The following HMGB1 variants were observed in gnomAD, a reference collection of about 807,000 sequenced individuals.
HMGB1 encodes the protein high mobility group protein B1.
For synonymous variants in HMGB1, 81 were observed against 84.0 expected (o/e 0.96, Z 0.19); for missense variants, 79 against 253.5 (o/e 0.31, Z 4.67).
In HMGB1 at chr13:30,517,023, T is replaced by C. The variant is rs550204849; in HGVS notation, c.-14-53329A>G. ...GTATATAAAACATGAAAATAAGTAT[T>C]TCGAATGTGAAGAAATTGAATTTGA... On this transcript the variant is annotated intron_variant, in intron 1 of 4. Coordinates refer to the HMGB1 transcript ENST00000405805. Among the ~76,000 whole-genome samples, 81 of 152,288 alleles carry C rather than the reference T, an allele frequency of 5.3e-4. No individual in the cohort carries two copies. In the South Asian group the frequency reaches 0.016, roughly 30 times the overall value.
chr13:30,473,354 C>T lies in HMGB1; in HGVS notation c.-14-9660G>A, dbSNP rs7323681. On this transcript the variant is annotated intron_variant, in intron 1 of 4. Coordinates refer to the HMGB1 transcript ENST00000405805. Reference sequence around the variant, plus strand: ...TGGTTAGTAAGGGGAAAATATCAGACCTTTCCTTAAGAGGCCTGTCCTCTG... The same window carrying T: ...TGGTTAGTAAGGGGAAAATATCAGATCTTTCCTTAAGAGGCCTGTCCTCTG... 7.2e-3 allele frequency among the ~76,000 whole-genome samples: 1,101 copies of T among 152,250 alleles called. 12 individuals carry two copies. The highest frequency in any genetic ancestry group is 0.026 in the African/African-American group (1,066 of 41,532).
rs534779135 is a variant in HMGB1 at position 30,486,327 on chromosome 13, T to TCC, written c.-14-22635_-14-22634dup. ...CACTGGCTGGTTCACTTTGCTGCAT[T>TCC]CCCTTAAAGGTTGGATGTTCAAGTC... On this transcript the variant is annotated intron_variant, in intron 1 of 4. Coordinates refer to the HMGB1 transcript ENST00000405805. Among the ~76,000 whole-genome samples, 146 of 152,334 alleles carry TCC rather than the reference T, an allele frequency of 9.6e-4. 1 individual carries two copies. Among genetic ancestry groups the TCC allele is most frequent in the African/African-American group, 3.4e-3 (141 of 41,582 alleles).
intron 1 of HMGB1, among the ~76,000 whole-genome samples, chr13:30,607,316 C>T (rs1235414321): frequency 6.6e-6 from 1 of 152,184 alleles, no homozygotes; most frequent in Non-Finnish European, 1.5e-5. Flanking sequence ...TTGTAATCCC[C>T]ACGTGTCAAA....
At chr13:30,511,803 C>T (rs915238313) in intron 1 of HMGB1, among the ~76,000 whole-genome samples, 1 of 152,156 alleles carries the variant, frequency 6.6e-6, no homozygotes, top group South Asian at 2.1e-4. Flanking sequence ...TTGATTTCAT[C>T]AAGCTGTCCC....
At chr13:30,544,846 G>A (rs1309493921) in intron 1 of HMGB1, among the ~76,000 whole-genome samples, 1 of 152,122 alleles carries the variant, frequency 6.6e-6, no homozygotes, top group Non-Finnish European at 1.5e-5. Context: ...TTTTATTCCT[G>A]AGCTTTCTCT....
chr13:30,495,805 A>T (rs891528445), intron 1 of HMGB1, among the ~76,000 whole-genome samples: 1 of 152,148 alleles, frequency 6.6e-6, no homozygotes, highest in African/African-American at 2.4e-5. Context: ...TGTGGCAGAC[A>T]ACCCTTTAAT....
At chr13:30,513,035 C>T (rs1194873451) in intron 1 of HMGB1, among the ~76,000 whole-genome samples, 4 of 152,096 alleles carry the variant, frequency 2.6e-5, no homozygotes, top group Non-Finnish European at 4.4e-5. Context: ...TGATGGTGGA[C>T]ACCTGTAGTC....
At chr13:30,537,202 G>T (rs570391760) in intron 1 of HMGB1, among the ~76,000 whole-genome samples, 50 of 152,104 alleles carry the variant, frequency 3.3e-4, no homozygotes, top group African/African-American at 2.9e-4. Flanking sequence ...CTTTTAAGAA[G>T]TCTTAAGTTA....
At chr13:30,499,656 T>A (rs953608021) in intron 1 of HMGB1, among the ~76,000 whole-genome samples, 14 of 152,202 alleles carry the variant, frequency 9.2e-5, no homozygotes, top group Admixed American at 8.5e-4. Context: ...AAACCTTCAT[T>A]AATTGTAGAT....
intron 1 of HMGB1, among the ~76,000 whole-genome samples, chr13:30,538,845 A>G (rs561960962): frequency 2.7e-4 from 33 of 120,440 alleles, no homozygotes; most frequent in African/African-American, 1.1e-3. Flanking sequence ...TTTTTCGAAG[A>G]TGATACAAAG....
At chr13:30,554,707 G>A (rs1869599668) in intron 1 of HMGB1, 10 of 770,176 alleles carry the variant, frequency 1.3e-5, no homozygotes, top group Non-Finnish European at 2.2e-5. Flanking sequence ...AATGCTCTAC[G>A]GAAACATATT....
chr13:30,609,255 G>T (rs180956675), intron 1 of HMGB1, among the ~76,000 whole-genome samples: 1 of 152,094 alleles, frequency 6.6e-6, no homozygotes, highest in African/African-American at 2.4e-5. Context: ...GCCAGACTCC[G>T]TCTCAAAAAA....
intron 1 of HMGB1, among the ~76,000 whole-genome samples, chr13:30,529,023 C>T (rs1258965075): frequency 3.4e-5 from 3 of 88,948 alleles, no homozygotes; most frequent in Non-Finnish European, 5.7e-5. Context: ...GGCGAGACTG[C>T]GTCTCAAAAA....
At chr13:30,579,366 G>T (rs1870801745) in intron 1 of HMGB1, among the ~76,000 whole-genome samples, 1 of 152,156 alleles carries the variant, frequency 6.6e-6, no homozygotes, top group Admixed American at 6.5e-5. Context: ...CCTGTATATT[G>T]GACTGGAATG....
chr13:30,502,528 T>G (rs1306952700), intron 1 of HMGB1, among the ~76,000 whole-genome samples: 1 of 152,242 alleles, frequency 6.6e-6, no homozygotes, highest in African/African-American at 2.4e-5. Flanking sequence ...ATGTACATAC[T>G]GCATGGATGT....
intron 1 of HMGB1, among the ~76,000 whole-genome samples, chr13:30,591,220 C>T (rs531026817): frequency 5.9e-5 from 9 of 151,762 alleles, no homozygotes; most frequent in South Asian, 2.1e-4. Context: ...TTAGTAGAGA[C>T]GGGGTTTCAC....
In HMGB1 at chr13:30,462,229, G is replaced by C. The variant is rs1593253540; in HGVS notation, c.471+309C>G. 7.6e-6 allele frequency: 3 copies of C among 394,824 alleles called. No homozygotes were observed. In the East Asian group the frequency reaches 1.9e-4, roughly 25 times the overall value. 24.5% of individuals were successfully genotyped at this position (394,824 alleles called of 1,614,324 possible). A position where few individuals can be genotyped will look rare whatever the true frequency, so the allele number is the denominator to read the frequency against. On this transcript the variant is annotated intron_variant, in intron 4 of 4. Transcript: ENST00000341423. Reference sequence around the variant, plus strand: ...ACTTTGTCTAGCCTGTTTTTGTACTGTATGCCAAGCCATTTGAAAATGCTC... The same window carrying C: ...ACTTTGTCTAGCCTGTTTTTGTACTCTATGCCAAGCCATTTGAAAATGCTC...
At position 30,559,178 on chromosome 13, in the gene HMGB1, G is replaced by A. The variant is rs925950066; in HGVS notation, c.-15+57493C>T. Among the ~76,000 whole-genome samples the A allele has an allele frequency of 1.3e-5, 2 of 152,038 alleles. No homozygotes were observed. Among genetic ancestry groups the A allele is most frequent in the Non-Finnish European group, 2.9e-5 (2 of 68,002 alleles). On this transcript the variant is annotated intron_variant, in intron 1 of 4. Transcript: ENST00000405805. The surrounding 1 kb of genome is among the most constrained non-coding windows in gnomAD (Gnocchi z 6.6). ...GGGGGGTGCGGGTGGAGGAAAAATT[G>A]CCCCTGTTGAGAAGCACTGCCTTAG... is the stretch of plus-strand genomic sequence containing the variant.
At chr13:30,583,825 CAAA>C (rs781566280) in intron 1 of HMGB1, among the ~76,000 whole-genome samples, 3 of 74,402 alleles carry the variant, frequency 4.0e-5, no homozygotes, top group African/African-American at 6.4e-5. Context: ...GACTCTGTCT[CAAA>C]AAAAAAAAAA....
Sources: allele counts gnomAD v4.1 joint callset (sites outside exome capture counted in the v4.1 genomes callset), GRCh38; gene constraint gnomAD v4.1.1; non-coding constraint Gnocchi (gnomAD v3.1); transcripts MANE v1.5; gene names NCBI Gene and HGNC (gene_info 2026-07-23, HGNC 2026-07-21).